The following SLC25A33 variants were observed in gnomAD, a reference collection of about 807,000 sequenced individuals.
SLC25A33 encodes the protein bone marrow stromal cell mitochondrial carrier protein.
In SLC25A33, 15 loss-of-function variants were observed where a neutral mutation model predicts 35.5. That is an observed-to-expected ratio of 0.42 (90% CI 0.28 to 0.65). The LOEUF (loss-of-function observed/expected upper bound fraction) is 0.65, where lower values mean the gene tolerates loss of function less well. Among genes scored for constraint, SLC25A33 ranks in the 30% least tolerant of loss-of-function variants. The pLI, the probability that SLC25A33 is intolerant of heterozygous loss-of-function variation, is 0.20. For synonymous variants in SLC25A33, 136 were observed against 148.7 expected (o/e 0.91, Z 0.62); for missense variants, 257 against 398.5 (o/e 0.64, Z 3.02).
chr1:9,570,702 GTT>G (rs35547370), intron 4 of SLC25A33, among the ~76,000 whole-genome samples: 95 of 100,044 alleles, frequency 9.5e-4, no homozygotes, highest in African/African-American at 3.6e-3. Flanking sequence ...GATAGATATA[GTT>G]TTTTTTTTTT....
At chr1:9,555,924 A>G (rs1388092272) in intron 2 of SLC25A33, among the ~76,000 whole-genome samples, 1 of 152,152 alleles carries the variant, frequency 6.6e-6, no homozygotes, top group Non-Finnish European at 1.5e-5. Context: ...ACCTCAGGAG[A>G]TCTGCCTGCC....
chr1:9,578,865 C>T lies in SLC25A33; in HGVS notation c.483-1089C>T, dbSNP rs1271061047. On this transcript the variant is annotated intron_variant, in intron 5 of 6. Coordinates refer to ENST00000302692, the MANE Select transcript of SLC25A33 (RefSeq NM_032315.3). This position sits in a 1 kb window ranked among gnomAD's most constrained non-coding sequence, Gnocchi z 4.3. ...TTGTGACTTAATCTAGCAGATATAC[C>T]GTGGTCAGCTATCTGGATTGTTGTC... Among the ~76,000 whole-genome samples the T allele has an allele frequency of 1.3e-5, 2 of 152,208 alleles. No homozygotes were observed. The highest frequency in any genetic ancestry group is 4.1e-4 in the South Asian group (2 of 4,830).
intron 1 of SLC25A33, among the ~76,000 whole-genome samples, chr1:9,548,241 T>C (rs547850059): frequency 5.9e-5 from 9 of 152,342 alleles, no homozygotes; most frequent in East Asian, 3.9e-4. Context: ...TGTATAATTA[T>C]ATTACCCTGT....
rs1557540213 is a variant in SLC25A33, at chr1:9,583,258, G to C, written c.*757G>C. The C allele has an allele frequency of 6.6e-6, 1 of 151,966 alleles. No individual in the cohort carries two copies. Among genetic ancestry groups the C allele is most frequent in the Non-Finnish European group, 1.5e-5 (1 of 68,008 alleles). 9.4% of individuals were successfully genotyped at this position (151,966 alleles called of 1,614,324 possible). On this transcript the variant is annotated 3_prime_UTR_variant, in exon 7 of 7. Coordinates refer to ENST00000302692, the MANE Select transcript of SLC25A33 (RefSeq NM_032315.3). ...GTGTCACATTTTGGTGGTGGTGTGTGGACCAGGACAAACTTCCCAGCAATT... is the reference window on the plus strand; with the variant it reads ...GTGTCACATTTTGGTGGTGGTGTGTCGACCAGGACAAACTTCCCAGCAATT...
intron 4 of SLC25A33, among the ~76,000 whole-genome samples, chr1:9,571,729 C>T (rs1331860158): frequency 6.6e-6 from 1 of 152,124 alleles, no homozygotes; most frequent in African/African-American, 2.4e-5. Context: ...CCCCCACCTC[C>T]TGGGCTCAAG....
At chr1:9,570,813 A>G (rs1643580323) in intron 4 of SLC25A33, among the ~76,000 whole-genome samples, 1 of 150,920 alleles carries the variant, frequency 6.6e-6, no homozygotes, top group Non-Finnish European at 1.5e-5. Flanking sequence ...CCCAAGTTAA[A>G]GTGGTTCTTG....
At chr1:9,573,237 T>C in intron 4 of SLC25A33, 109 bp from the exon 5 acceptor site, 1 of 722,306 alleles carries the variant, frequency 1.4e-6, no homozygotes, top group Non-Finnish European at 2.2e-6. Context: ...ACTGTCTTTT[T>C]ATTAGGCCAT....
chr1:9,580,264 G>A (rs1035259582), intron 6 of SLC25A33, 30 bp downstream of exon 6: 5 of 1,601,162 alleles, frequency 3.1e-6, no homozygotes. Context: ...TTCCAGAGCA[G>A]TAAAACAGCT....
Position 9,584,072 on chromosome 1 carries a change from A to C in SLC25A33, c.*1571A>C, listed in dbSNP as rs1643778132. On this transcript the variant is annotated 3_prime_UTR_variant, in exon 7 of 7. Coordinates refer to ENST00000302692, the MANE Select transcript of SLC25A33 (RefSeq NM_032315.3). ...ATAAGGGAACAAAAAGATGATACTA[A>C]GAAGAAGGCAAGTAAAACCCCTAGT... 1.3e-5 allele frequency: 2 copies of C among 152,064 alleles called. No individual in the cohort carries two copies. Among genetic ancestry groups the C allele is most frequent in the Admixed American group, 1.3e-4 (2 of 15,284 alleles). 9.4% of individuals were successfully genotyped at this position (152,064 alleles called of 1,614,324 possible). A position where few individuals can be genotyped will look rare whatever the true frequency, so the allele number is the denominator to read the frequency against.
At chr1:9,561,403 C>T (rs984164904) in intron 2 of SLC25A33, among the ~76,000 whole-genome samples, 1 of 151,994 alleles carries the variant, frequency 6.6e-6, no homozygotes, top group Non-Finnish European at 1.5e-5. Flanking sequence ...ATAAAATGCT[C>T]CAAACAAGAC....
At chr1:9,567,452 T>C in intron 3 of SLC25A33, 91 bp downstream of exon 3, 1 of 1,190,162 alleles carries the variant, frequency 8.4e-7, no homozygotes, top group Non-Finnish European at 1.2e-6. Context: ...GAATGACCAG[T>C]GTCTTTTTCT....
intron 1 of SLC25A33, among the ~76,000 whole-genome samples, chr1:9,540,104 C>T (rs1016757153): frequency 2.0e-5 from 3 of 152,154 alleles, no homozygotes; most frequent in African/African-American, 7.2e-5. Context: ...CCGCCCCCTT[C>T]TCCTGGGGCC....
In SLC25A33 at chr1:9,550,012, T is replaced by TATATATATATATACATA. The variant is rs55887722; in HGVS notation, c.57-3614_57-3613insATATATATATATACATA. Among the ~76,000 whole-genome samples, 138 of 33,826 alleles carry TATATATATATATACATA rather than the reference T, an allele frequency of 4.1e-3. 2 individuals are homozygous for TATATATATATATACATA. The highest frequency in any genetic ancestry group is 0.011 in the African/African-American group (132 of 11,546). 22.2% of individuals were successfully genotyped at this position (33,826 alleles called of 152,430 possible). ...TTTTCTATACATATATATATATATATTTTTTTTTTTTTTTTTTTTTTTTTT... is the reference window on the plus strand; with the variant it reads ...TTTTCTATACATATATATATATATATATATATATATATACATATTTTTTTTTTTTTTTTTTTTTTTTT... On this transcript the variant is annotated intron_variant, in intron 1 of 6. Coordinates refer to ENST00000302692, the MANE Select transcript of SLC25A33 (RefSeq NM_032315.3).
chr1:9,573,946 A>G (rs754304387), intron 5 of SLC25A33, among the ~76,000 whole-genome samples: 10 of 151,464 alleles, frequency 6.6e-5, no homozygotes, highest in African/African-American at 9.7e-5. Context: ...TTTTTAGAAT[A>G]ATGTTGTTTT....
chr1:9,558,254 A>G (rs1000733238), intron 2 of SLC25A33, among the ~76,000 whole-genome samples: 1 of 152,244 alleles, frequency 6.6e-6, no homozygotes, highest in African/African-American at 2.4e-5. Flanking sequence ...CGAAGGCAGC[A>G]GCAGTTCCCA....
chr1:9,564,747 T>A (rs867425718), intron 2 of SLC25A33, among the ~76,000 whole-genome samples: 2,080 of 123,578 alleles, frequency 0.017, 85 homozygotes, highest in East Asian at 0.11. Flanking sequence ...AAAATATATA[T>A]ATATATATAT....
At chr1:9,544,361 C>T (rs1193306087) in intron 1 of SLC25A33, among the ~76,000 whole-genome samples, 5 of 151,322 alleles carry the variant, frequency 3.3e-5, no homozygotes, top group South Asian at 2.1e-4. Context: ...CTCCACCTCC[C>T]GGGTTCAAGC....
In SLC25A33 at chr1:9,583,156, T is replaced by C. The variant is rs576134908; in HGVS notation, c.*655T>C. 1 of 152,028 alleles carries C rather than the reference T, an allele frequency of 6.6e-6. No individual in the cohort carries two copies. Among genetic ancestry groups the C allele is most frequent in the African/African-American group, 2.4e-5 (1 of 41,442 alleles). The allele number at this position is 152,028 out of a possible 1,614,324, so 9.4% of individuals were successfully genotyped here. A position where few individuals can be genotyped will look rare whatever the true frequency, so the allele number is the denominator to read the frequency against. ...CACTTGAAACCCAGGGGGCAGAGGTTGCAGCGAGCTGAGATCACGTCACTT... is the reference window on the plus strand; with the variant it reads ...CACTTGAAACCCAGGGGGCAGAGGTCGCAGCGAGCTGAGATCACGTCACTT... On this transcript the variant is annotated 3_prime_UTR_variant, in exon 7 of 7. Transcript: ENST00000302692.
intron 2 of SLC25A33, among the ~76,000 whole-genome samples, chr1:9,564,529 G>A (rs1030629804): frequency 2.8e-4 from 43 of 151,718 alleles, no homozygotes; most frequent in Non-Finnish European, 2.9e-4. Context: ...AGTGTCCATC[G>A]ATGGGTGAAT....
Sources: allele counts gnomAD v4.1 joint callset (sites outside exome capture counted in the v4.1 genomes callset), GRCh38; gene constraint gnomAD v4.1.1; non-coding constraint Gnocchi (gnomAD v3.1); transcripts MANE v1.5; gene names NCBI Gene and HGNC (gene_info 2026-07-23, HGNC 2026-07-21).